Variants in SGCZ observed in about 807,000 individuals in gnomAD.
The protein encoded by SGCZ is sarcoglycan zeta, also known as zeta-sarcoglycan.
SGCZ carries 40 observed loss-of-function variants against 41.3 expected under a neutral mutation model. The observed-to-expected ratio is 0.97, with a 90% CI of 0.75 to 1.26. The LOEUF is 1.26. Among genes scored for constraint, SGCZ ranks in the 50% most tolerant of loss-of-function variants. The pLI is 0.00. For missense variants in SGCZ, 552 were observed against 369.8 expected, an observed-to-expected ratio of 1.49 and a Z score of -4.04; for synonymous variants, 206 against 137.5, an observed-to-expected ratio of 1.50 and a Z score of -3.49.
In SGCZ at chr8:14,239,248, A is replaced by AACACAC. The variant is rs36209114; in HGVS notation, c.337-1575_337-1570dup. Among the ~76,000 whole-genome samples, 199 of 149,364 alleles carry AACACAC rather than the reference A, an allele frequency of 1.3e-3. 1 individual carries two copies. Among genetic ancestry groups the AACACAC allele is most frequent in the African/African-American group, 4.7e-3 (192 of 40,732 alleles). On this transcript the variant is annotated intron_variant, in intron 3 of 7. Transcript: ENST00000382080. Reference sequence around the variant, plus strand: ...ACATAAAGATGATGGTTCATACATGAACACACACACACACACACACACACA... The same window carrying AACACAC: ...ACATAAAGATGATGGTTCATACATGAACACACACACACACACACACACACACACACA...
rs191479643 is a variant in SGCZ, at chr8:14,115,965, C to G, written c.548-7730G>C. On this transcript the variant is annotated intron_variant, in intron 5 of 7. Transcript: ENST00000382080. ...TGTGTTTTCCACTGGCAGGTCATAC[C>G]GACCATTACCAAATGGAATGCACAG... Among the ~76,000 whole-genome samples the G allele has an allele frequency of 5.3e-4, 80 of 152,106 alleles. 2 individuals carry two copies. Among genetic ancestry groups the G allele is most frequent in the Admixed American group, 4.2e-3 (64 of 15,262 alleles).
At chr8:14,308,800 A>C (rs759897960) in intron 3 of SGCZ, among the ~76,000 whole-genome samples, 10 of 152,144 alleles carry the variant, frequency 6.6e-5, no homozygotes, top group Non-Finnish European at 1.3e-4. Flanking sequence ...TATCAGAAAC[A>C]GTGATGGTCT....
At chr8:14,402,741 C>A (rs1005019125) in intron 2 of SGCZ, among the ~76,000 whole-genome samples, 2 of 146,992 alleles carry the variant, frequency 1.4e-5, no homozygotes, top group Admixed American at 1.3e-4. Flanking sequence ...CAGCTTTGTT[C>A]TTTTGGCTTA....
chr8:14,112,024 T>A (rs2117012982), intron 5 of SGCZ, among the ~76,000 whole-genome samples: 1 of 152,280 alleles, frequency 6.6e-6, no homozygotes, highest in South Asian at 2.1e-4. Context: ...ATTCACCGAT[T>A]GACATCCATG....
rs1804871205 is a variant in SGCZ, at chr8:14,185,415, T to C, written c.425-20713A>G. Among the ~76,000 whole-genome samples the C allele has an allele frequency of 1.3e-5, 2 of 151,876 alleles. 1 individual carries two copies. Among genetic ancestry groups the C allele is most frequent in the South Asian group, 4.1e-4 (2 of 4,826 alleles). On this transcript the variant is annotated intron_variant, in intron 4 of 7. Transcript: ENST00000382080. ...AAGACTGTCTCTCAAAATAAATAAATAAATAAAATAAAAAAACAAAAAATC... is the reference window on the plus strand; with the variant it reads ...AAGACTGTCTCTCAAAATAAATAAACAAATAAAATAAAAAAACAAAAAATC...
chr8:15,110,040 T>C (rs1806985586), intron 1 of SGCZ, among the ~76,000 whole-genome samples: 1 of 152,182 alleles, frequency 6.6e-6, no homozygotes. Context: ...ACATTTTCAT[T>C]AGTTAATTAT....
chr8:14,122,693 T>A (rs537153927), intron 5 of SGCZ, among the ~76,000 whole-genome samples: 6 of 152,304 alleles, frequency 3.9e-5, no homozygotes, highest in African/African-American at 1.4e-4. Flanking sequence ...ACTGGCTAAT[T>A]CCAGTTAGCA....
chr8:14,109,545 C>G (rs1054524898), intron 5 of SGCZ, among the ~76,000 whole-genome samples: 1 of 151,992 alleles, frequency 6.6e-6, no homozygotes, highest in African/African-American at 2.4e-5. Context: ...ATAAACTATA[C>G]AATGTAATTT....
intron 3 of SGCZ, among the ~76,000 whole-genome samples, chr8:14,294,326 T>C (rs1440415119): frequency 6.6e-6 from 1 of 151,930 alleles, no homozygotes. Flanking sequence ...AAAACTCCTA[T>C]GTAATCTAAA....
At chr8:14,698,570 T>A (rs1263149256) in intron 1 of SGCZ, among the ~76,000 whole-genome samples, 2 of 151,906 alleles carry the variant, frequency 1.3e-5, no homozygotes, top group Non-Finnish European at 2.9e-5. Flanking sequence ...TCCAGAAAAA[T>A]TGTTAATTTC....
intron 1 of SGCZ, among the ~76,000 whole-genome samples, chr8:14,711,273 C>T (rs1242526862): frequency 6.6e-6 from 1 of 151,894 alleles, no homozygotes; most frequent in Non-Finnish European, 1.5e-5. Context: ...AATTTCAACA[C>T]AAACTTTTAT....
chr8:14,179,741 G>A (rs977840251), intron 4 of SGCZ, among the ~76,000 whole-genome samples: 5 of 152,130 alleles, frequency 3.3e-5, no homozygotes, highest in Non-Finnish European at 7.3e-5. Context: ...GCTGTCACTG[G>A]TAACATGGCA....
intron 1 of SGCZ, among the ~76,000 whole-genome samples, chr8:14,963,228 G>C (rs1283172377): frequency 1.3e-5 from 2 of 152,140 alleles, no homozygotes; most frequent in Non-Finnish European, 2.9e-5. Flanking sequence ...GTGTATATGT[G>C]TTGCATGAGC....
At chr8:14,869,064 G>A (rs1025066339) in intron 1 of SGCZ, among the ~76,000 whole-genome samples, 1 of 152,044 alleles carries the variant, frequency 6.6e-6, no homozygotes, top group Non-Finnish European at 1.5e-5. Context: ...ACAGAAAAAA[G>A]GAACTCCTCC....
chr8:14,417,589 C>A (rs1187124732), intron 2 of SGCZ, among the ~76,000 whole-genome samples: 1 of 151,562 alleles, frequency 6.6e-6, no homozygotes, highest in African/African-American at 2.4e-5. Context: ...CTAAAATTAC[C>A]TAATTGTCAC....
At chr8:14,495,364 G>T (rs1279440586) in intron 2 of SGCZ, among the ~76,000 whole-genome samples, 1 of 152,116 alleles carries the variant, frequency 6.6e-6, no homozygotes, top group Non-Finnish European at 1.5e-5. Flanking sequence ...GAATAAATTA[G>T]CATGCTTATT....
chr8:15,066,908 C>A (rs987873794), intron 1 of SGCZ, among the ~76,000 whole-genome samples: 2 of 152,076 alleles, frequency 1.3e-5, no homozygotes, highest in African/African-American at 4.8e-5. Flanking sequence ...CAAGCAAATA[C>A]AATCTCTCTC....
intron 1 of SGCZ, among the ~76,000 whole-genome samples, chr8:14,882,632 C>T (rs1279172930): frequency 2.6e-5 from 4 of 152,156 alleles, no homozygotes; most frequent in African/African-American, 9.7e-5. Flanking sequence ...TTCTGCCACT[C>T]CAGTTTATTG....
intron 1 of SGCZ, among the ~76,000 whole-genome samples, chr8:15,235,453 A>G (rs897308441): frequency 4.6e-5 from 7 of 152,170 alleles, no homozygotes; most frequent in Admixed American, 4.6e-4. Context: ...TGTATCTAAC[A>G]TGCCTTCATT....
Sources: gnomAD v4.1 joint callset for allele counts (sites outside exome capture counted in the v4.1 genomes callset) on GRCh38, gnomAD v4.1.1 for gene constraint, MANE v1.5 for transcripts, NCBI Gene and HGNC (gene_info 2026-07-23, HGNC 2026-07-21) for gene names.